CNTN4: variants seen among roughly 807,000 people sequenced by gnomAD.
CNTN4 encodes the protein contactin-4.
In CNTN4, 77 loss-of-function variants were observed where a neutral mutation model predicts 122.5. The ratio of observed to expected loss-of-function variants is 0.63; its 90% CI spans 0.52 to 0.76. The LOEUF is 0.76. Among genes scored for constraint, CNTN4 ranks in the 30% least tolerant of loss-of-function variants. CNTN4 has a pLI of 0.00. For synonymous variants in CNTN4, 512 were observed against 447.0 expected (o/e 1.15, Z -1.83); for missense variants, 1,256 against 1,259.1 (o/e 1.00, Z 0.04).
intron 12 of CNTN4, among the ~76,000 whole-genome samples, chr3:2,915,679 T>A (rs1412335813): frequency 6.6e-6 from 1 of 152,194 alleles, no homozygotes; most frequent in African/African-American, 2.4e-5. Flanking sequence ...TACCATATAA[T>A]CTGGCAATCC....
chr3:2,664,839 G>A (rs1296472124), intron 4 of CNTN4, among the ~76,000 whole-genome samples: 2 of 152,120 alleles, frequency 1.3e-5, no homozygotes, highest in Non-Finnish European at 2.9e-5. Context: ...AATAGAATGC[G>A]ATGAGTGAAA....
At chr3:2,114,654 C>G (rs764773596) in intron 2 of CNTN4, among the ~76,000 whole-genome samples, 2 of 152,074 alleles carry the variant, frequency 1.3e-5, no homozygotes, top group Non-Finnish European at 2.9e-5. Context: ...GTTGGACCAC[C>G]AACAAGCAGT....
chr3:2,886,358 C>T (rs2151007691), intron 9 of CNTN4, among the ~76,000 whole-genome samples: 1 of 148,696 alleles, frequency 6.7e-6, no homozygotes, highest in East Asian at 2.0e-4. Flanking sequence ...GATTGCGCCA[C>T]TGCAATCCAG....
chr3:2,216,208 A>G (rs926077015), intron 2 of CNTN4, among the ~76,000 whole-genome samples: 24 of 152,208 alleles, frequency 1.6e-4, no homozygotes, highest in African/African-American at 5.5e-4. Flanking sequence ...TGCAGCCATA[A>G]AAAAGGATGA....
chr3:2,763,225 G>C (rs570720731), intron 6 of CNTN4, among the ~76,000 whole-genome samples: 2 of 152,168 alleles, frequency 1.3e-5, no homozygotes, highest in African/African-American at 2.4e-5. Context: ...GATTACAGGC[G>C]TAAGCCACCA....
At chr3:2,267,843 A>G (rs2041114428) in intron 2 of CNTN4, among the ~76,000 whole-genome samples, 1 of 152,020 alleles carries the variant, frequency 6.6e-6, no homozygotes, top group African/African-American at 2.4e-5. Flanking sequence ...TTCATCATAT[A>G]TATAACAGGC....
intron 12 of CNTN4, among the ~76,000 whole-genome samples, chr3:2,923,665 A>C (rs377107844): frequency 6.6e-6 from 1 of 152,180 alleles, no homozygotes; most frequent in African/African-American, 2.4e-5. Flanking sequence ...TAGCTTAGCA[A>C]TCTCAACTCT....
At chr3:2,719,449 C>G (rs571788211) in intron 4 of CNTN4, among the ~76,000 whole-genome samples, 1 of 152,262 alleles carries the variant, frequency 6.6e-6, no homozygotes, top group African/African-American at 2.4e-5. Context: ...AATGCACCAC[C>G]ATGCCCAGCT....
At chr3:2,112,929 T>G (rs867167619) in intron 2 of CNTN4, among the ~76,000 whole-genome samples, 2 of 152,246 alleles carry the variant, frequency 1.3e-5, no homozygotes, top group Middle Eastern at 3.4e-3. Context: ...CCTAGTATTC[T>G]CCCCTGTTAG....
At chr3:2,484,354 A>G (rs941306605) in intron 3 of CNTN4, among the ~76,000 whole-genome samples, 5 of 152,356 alleles carry the variant, frequency 3.3e-5, no homozygotes, top group African/African-American at 7.2e-5. Context: ...ACATTGCTCA[A>G]TGTAAAAATA....
At chr3:2,796,504 A>G (rs1235804002) in intron 6 of CNTN4, among the ~76,000 whole-genome samples, 1 of 152,160 alleles carries the variant, frequency 6.6e-6, no homozygotes, top group Non-Finnish European at 1.5e-5. Context: ...CTAAGAAAAA[A>G]ATGAAGAGCT....
At chr3:2,907,324 G>A (rs1412176826) in intron 12 of CNTN4, among the ~76,000 whole-genome samples, 2 of 152,172 alleles carry the variant, frequency 1.3e-5, no homozygotes, top group Non-Finnish European at 2.9e-5. Context: ...TGTAATCCCA[G>A]CACTTTGGGA....
At position 2,499,235 on chromosome 3, in the gene CNTN4, G is replaced by A. The variant is rs541243154; in HGVS notation, c.-88-72181G>A. On this transcript the variant is annotated intron_variant, in intron 3 of 24. Transcript: ENST00000418658. ...TTAATGCTTGTAGTGTGAGATTTAG[G>A]TTGATATTCATTTGTCTCTGGATAT... Among the ~76,000 whole-genome samples the A allele has an allele frequency of 2.6e-5, 4 of 152,248 alleles. No individual in the cohort carries two copies. The South Asian group carries it at 8.3e-4, about 32-fold the overall frequency.
At chr3:2,456,340 T>C (rs185840496) in intron 3 of CNTN4, among the ~76,000 whole-genome samples, 1 of 152,248 alleles carries the variant, frequency 6.6e-6, no homozygotes, top group African/African-American at 2.4e-5. Flanking sequence ...TCAAATTGTA[T>C]ATATTTATTT....
At chr3:3,029,125 A>G (rs564629466) in intron 15 of CNTN4, among the ~76,000 whole-genome samples, 3 of 152,340 alleles carry the variant, frequency 2.0e-5, no homozygotes, top group East Asian at 3.9e-4. Context: ...TTGAGCAATT[A>G]TAAGACTTGA....
intron 6 of CNTN4, among the ~76,000 whole-genome samples, chr3:2,797,809 T>A (rs1449003754): frequency 6.6e-6 from 1 of 152,168 alleles, no homozygotes; most frequent in Admixed American, 6.5e-5. Context: ...CAAAGTAAAA[T>A]TCTAGGGTGT....
intron 6 of CNTN4, among the ~76,000 whole-genome samples, chr3:2,782,002 C>T (rs928376533): frequency 1.3e-5 from 2 of 151,878 alleles, no homozygotes; most frequent in African/African-American, 2.4e-5. Flanking sequence ...AGATTACAGG[C>T]ATGAGCCACC....
intron 6 of CNTN4, among the ~76,000 whole-genome samples, chr3:2,762,787 C>G (rs1020064429): frequency 6.6e-6 from 1 of 152,030 alleles, no homozygotes; most frequent in African/African-American, 2.4e-5. Context: ...ATTTACACTC[C>G]CAGCAATAGT....
In CNTN4 at chr3:2,335,082, T is replaced by C. The variant is rs556722735; in HGVS notation, c.-144-4096T>C. Among the ~76,000 whole-genome samples, 3 of 152,278 alleles carry C rather than the reference T, an allele frequency of 2.0e-5. No individual in the cohort carries two copies. The South Asian group carries it at 6.2e-4, about 32-fold the overall frequency. On this transcript the variant is annotated intron_variant, in intron 2 of 24. Transcript: ENST00000418658. The stretch of plus-strand genomic sequence containing the variant: ...GATTTCTGGTTCCTTTGTTGTAAAA[T>C]TGCGAGTACATTTATGTTGACAGCA...
Sources: gnomAD v4.1 joint callset for allele counts (sites outside exome capture counted in the v4.1 genomes callset) on GRCh38, gnomAD v4.1.1 for gene constraint, MANE v1.5 for transcripts, NCBI Gene and HGNC (gene_info 2026-07-23, HGNC 2026-07-21) for gene names.